The following SMCHD1 variants were observed in gnomAD, a reference collection of about 807,000 sequenced individuals.
The protein encoded by SMCHD1 is structural maintenance of chromosomes flexible hinge domain containing 1, also known as structural maintenance of chromosomes flexible hinge domain-containing protein 1.
Under a neutral mutation model 254.7 loss-of-function variants are expected in SMCHD1, and 78 were observed. That is an observed-to-expected ratio of 0.31 (90% CI 0.26 to 0.37). The LOEUF is 0.37. SMCHD1 is among the 10% of genes least tolerant of loss of function. SMCHD1 has a pLI of 1.00. For missense variants in SMCHD1, 1,840 were observed against 2,408.1 expected (o/e 0.76, Z 4.94); for synonymous variants, 766 against 794.9 (o/e 0.96, Z 0.61).
chr18:2,718,164 G>C lies in SMCHD1; in HGVS notation c.2267G>C (p.Ser756Thr). 6.2e-7 allele frequency: 1 copy of C among 1,606,010 alleles called. No individual in the cohort carries two copies. The change falls in exon 18 of 48, where the codon AGT becomes ACT. Residue 756 changes from serine to threonine, a missense_variant. Physicochemically the swap from Ser to Thr is moderately conservative, Grantham distance 58. Coordinates refer to ENST00000320876, the MANE Select transcript of SMCHD1 (RefSeq NM_015295.3). The surrounding 1 kb of genome is among the most constrained non-coding windows in gnomAD (Gnocchi z 4.6). ...VELKVILHSS[S>T]GNKEIISHIS... Reference sequence around the variant, plus strand: ...TCTTTTTTCTTTTATTAAGCTTCAAGTGGAAATAAAGAGATTATTTCGCAT... The same window carrying C: ...TCTTTTTTCTTTTATTAAGCTTCAACTGGAAATAAAGAGATTATTTCGCAT...
At chr18:2,723,267 G>GT (rs1245399541) in intron 20 of SMCHD1, among the ~76,000 whole-genome samples, 6 of 152,046 alleles carry the variant, frequency 3.9e-5, no homozygotes, top group East Asian at 3.9e-4. Context: ...AATGGTTAGG[G>GT]TTTTTTTAAA....
intron 47 of SMCHD1, among the ~76,000 whole-genome samples, chr18:2,799,770 T>G (rs1428082647): frequency 6.6e-6 from 1 of 152,138 alleles, no homozygotes; most frequent in Admixed American, 6.6e-5. Context: ...GCCACCTTTT[T>G]TTTTCTTTCC....
At chr18:2,670,150 CAA>C (rs1437615310) in intron 3 of SMCHD1, among the ~76,000 whole-genome samples, 1 of 152,150 alleles carries the variant, frequency 6.6e-6, no homozygotes, top group African/African-American at 2.4e-5. Context: ...GAGTAAACAC[CAA>C]AGTCGTTACA....
chr18:2,742,683 A>G lies in SMCHD1; in HGVS notation c.3634-1078A>G, dbSNP rs8088627. On this transcript the variant is annotated intron_variant, in intron 28 of 47. Transcript: ENST00000320876. ...GTTTTCTCTCTGATTTATTTATTTA[A>G]TTTTTCGAAACAGGATCTCACTCTT... Among the ~76,000 whole-genome samples, 640 of 152,106 alleles carry G rather than the reference A, an allele frequency of 4.2e-3. 4 individuals carry two copies. Among genetic ancestry groups the G allele is most frequent in the African/African-American group, 0.015 (618 of 41,494 alleles).
rs537687514 is a variant in SMCHD1, at chr18:2,751,331, C to G, written c.4219C>G (p.Pro1407Ala). 1 of 1,582,214 alleles carries G rather than the reference C, an allele frequency of 6.3e-7. No individual in the cohort carries two copies. The highest frequency in any genetic ancestry group is 8.6e-7 in the Non-Finnish European group (1 of 1,169,268). ...TGACAGTATCATTAAAAACATTAAT[C>G]CAGCACGTATTTCCATGAAAATGTG... ...EDDSIIKNIN[P>A]ARISMKMWKL... Residue 1407 changes from proline to alanine, a missense_variant, in exon 33 of 48, where the codon CCA becomes GCA. By Grantham distance (27) the Pro-to-Ala change is conservative (BLOSUM62 -1). This residue lies in a region of SMCHD1 where 881 missense variants were observed against 1,009.5 expected (regional missense o/e 0.87). Coordinates refer to ENST00000320876, the MANE Select transcript of SMCHD1 (RefSeq NM_015295.3).
At chr18:2,783,443 C>T (rs929646357) in intron 44 of SMCHD1, among the ~76,000 whole-genome samples, 2 of 152,102 alleles carry the variant, frequency 1.3e-5, no homozygotes, top group African/African-American at 2.4e-5. Context: ...TTGAATTCCA[C>T]GTCTCTGGTT....
intron 5 of SMCHD1, among the ~76,000 whole-genome samples, chr18:2,685,648 A>T (rs1172634077): frequency 6.6e-6 from 1 of 151,942 alleles, no homozygotes; most frequent in Non-Finnish European, 1.5e-5. Flanking sequence ...CCATTATTGT[A>T]CTTTCTGTTT....
At chr18:2,782,650 T>C (rs2076173624) in intron 44 of SMCHD1, among the ~76,000 whole-genome samples, 1 of 144,266 alleles carries the variant, frequency 6.9e-6, no homozygotes, top group Non-Finnish European at 1.5e-5. Context: ...GTGGCTCAGT[T>C]GGGATAATTG....
intron 35 of SMCHD1, 148 bp downstream of exon 35, chr18:2,760,887 G>A (rs1348401307): frequency 5.7e-6 from 3 of 525,888 alleles, no homozygotes; most frequent in Non-Finnish European, 1.0e-5. Flanking sequence ...ATTATTGGAT[G>A]TGAAATATAA....
chr18:2,741,973 A>G (rs1000312853), intron 28 of SMCHD1, among the ~76,000 whole-genome samples: 38 of 152,116 alleles, frequency 2.5e-4, no homozygotes, highest in African/African-American at 8.5e-4. Context: ...TTTTATAGTA[A>G]AACTCCTTGG....
intron 17 of SMCHD1, among the ~76,000 whole-genome samples, chr18:2,711,743 A>G (rs1463938575): frequency 6.6e-6 from 1 of 151,814 alleles, no homozygotes; most frequent in Non-Finnish European, 1.5e-5. Context: ...CGGCCTCCCA[A>G]AGTGCTGGGA....
Position 2,718,364 on chromosome 18 carries a change from G to A in SMCHD1, c.2388G>A (p.Leu796=). The A allele has an allele frequency of 6.2e-7, 1 of 1,612,404 alleles. No individual in the cohort carries two copies. Among genetic ancestry groups the A allele is most frequent in the Non-Finnish European group, 8.5e-7 (1 of 1,178,884 alleles). ...GNYTLKLQVV[L]NESNADTYAG... ...ATACCTTGAAATTACAAGTTGTGTT[G>A]AATGAAAGTAATGCAGACACTTATG... Residue 796 remains leucine, a synonymous_variant, in exon 19 of 48, where the codon TTG becomes TTA. Transcript: ENST00000320876. This position sits in a 1 kb window ranked among gnomAD's most constrained non-coding sequence, Gnocchi z 4.6.
At chr18:2,763,494 A>G (rs983887400) in intron 36 of SMCHD1, 143 bp from the exon 37 acceptor site, 17 of 633,346 alleles carry the variant, frequency 2.7e-5, no homozygotes, top group Non-Finnish European at 3.9e-5. Flanking sequence ...CAAACTTAGA[A>G]CTGAATTTTG....
chr18:2,674,310 T>C (rs1462517931), intron 5 of SMCHD1, among the ~76,000 whole-genome samples, 165 bp downstream of exon 5: 1 of 152,182 alleles, frequency 6.6e-6, no homozygotes, highest in Admixed American at 6.5e-5. Flanking sequence ...TACTCAGAAA[T>C]AGAACTATGT....
At chr18:2,794,374 C>T (rs1191540993) in intron 45 of SMCHD1, among the ~76,000 whole-genome samples, 2 of 151,992 alleles carry the variant, frequency 1.3e-5, no homozygotes, top group Non-Finnish European at 2.9e-5. Context: ...GTAATCCGAG[C>T]TATTGCCTGT....
intron 7 of SMCHD1, among the ~76,000 whole-genome samples, chr18:2,694,025 A>G (rs544504896): frequency 6.6e-6 from 1 of 152,208 alleles, no homozygotes; most frequent in South Asian, 2.1e-4. Flanking sequence ...TAAGTTTTAG[A>G]TATTCTCTGA....
At chr18:2,753,606 G>T (rs1466575638) in intron 34 of SMCHD1, among the ~76,000 whole-genome samples, 1 of 152,162 alleles carries the variant, frequency 6.6e-6, no homozygotes, top group African/African-American at 2.4e-5. Flanking sequence ...TGCCTAGAGT[G>T]CAGTGGCTCA....
intron 7 of SMCHD1, among the ~76,000 whole-genome samples, chr18:2,692,226 C>T (rs1031653271): frequency 3.3e-5 from 5 of 152,082 alleles, no homozygotes; most frequent in East Asian, 1.9e-4. Flanking sequence ...CTTAGGTGTT[C>T]GAGGAGTAAC....
Position 2,738,461 on chromosome 18 carries a change from T to C in SMCHD1, c.3341T>C (p.Val1114Ala). The change falls in exon 26 of 48, where the codon GTA becomes GCA. Residue 1114 changes from valine (V) to alanine (A), a missense_variant. Around this residue, in one of 9 missense-constraint regions of SMCHD1, gnomAD observed 881 missense variants for 1,009.5 expected, o/e 0.87. Coordinates refer to ENST00000320876, the MANE Select transcript of SMCHD1 (RefSeq NM_015295.3). ...CAGGGTCTGCTTCCTGATGTGCAAG[T>C]ACCAACATCTGTAAAAGATATGCGC... ...LLQGLLPDVQ[V>A]PTSVKDMRYC... is the part of the protein sequence containing the mutation. 6.2e-7 allele frequency: 1 copy of C among 1,612,494 alleles called. No individual in the cohort carries two copies. Among genetic ancestry groups the C allele is most frequent in the Non-Finnish European group, 8.5e-7 (1 of 1,179,210 alleles).
Sources: gnomAD v4.1 joint callset for allele counts (sites outside exome capture counted in the v4.1 genomes callset) on GRCh38, gnomAD v4.1.1 for gene constraint, gnomAD v4.1.1 regional missense constraint, Gnocchi (gnomAD v3.1) non-coding constraint, MANE v1.5 for transcripts, NCBI Gene and HGNC (gene_info 2026-07-23, HGNC 2026-07-21) for gene names.